The following ZNF500 variants were observed in gnomAD, a reference collection of about 807,000 sequenced individuals.
ZNF500 encodes zinc finger protein with KRAB and SCAN domains 18.
ZNF500 carries 31 observed loss-of-function variants against 30.1 expected under a neutral mutation model. That is an observed-to-expected ratio of 1.03 (90% CI 0.77 to 1.39). ZNF500 has a LOEUF of 1.39. Among genes scored for constraint, ZNF500 ranks in the 40% most tolerant of loss-of-function variants. The pLI is 0.00. For synonymous variants in ZNF500, 392 were observed against 282.0 expected, an observed-to-expected ratio of 1.39 and a Z score of -3.91; for missense variants, 817 against 657.8, an observed-to-expected ratio of 1.24 and a Z score of -2.65.
chr16:4,759,942 G>C (rs112072596), intron 5 of ZNF500, among the ~76,000 whole-genome samples: 2,393 of 152,326 alleles, frequency 0.016, 59 homozygotes, highest in African/African-American at 0.054. Context: ...GGGAGGCTGA[G>C]GTGGGAGCAT....
At chr16:4,759,937 G>A (rs2082178579) in intron 5 of ZNF500, among the ~76,000 whole-genome samples, 1 of 152,218 alleles carries the variant, frequency 6.6e-6, no homozygotes, top group Non-Finnish European at 1.5e-5. Flanking sequence ...TACTTGGGAG[G>A]CTGAGGTGGG....
chr16:4,752,392 G>T lies in ZNF500; in HGVS notation c.1427C>A (p.Pro476His). Residue 476 changes from proline to histidine, a missense_variant, in exon 6 of 6, where the codon CCC becomes CAC. Coordinates refer to ENST00000219478, the MANE Select transcript of ZNF500 (RefSeq NM_021646.4). Reference protein sequence around the residue: ...PTLQPVAPGGPGAKA With the variant: ...PTLQPVAPGGHGAKA Reference sequence around the variant, plus strand: ...GCCTGGTGATCAGGCTTTGGCACCGGGGCCTCCAGGAGCCACCGGCTGGAG... The same window carrying T: ...GCCTGGTGATCAGGCTTTGGCACCGTGGCCTCCAGGAGCCACCGGCTGGAG... The T allele has an allele frequency of 1.3e-6, 2 of 1,507,832 alleles. No homozygotes were observed. The highest frequency in any genetic ancestry group is 1.8e-6 in the Non-Finnish European group (2 of 1,131,200). 93.4% of individuals were successfully genotyped at this position (1,507,832 alleles called of 1,614,324 possible).
intron 5 of ZNF500, among the ~76,000 whole-genome samples, chr16:4,760,217 G>C (rs144529832): frequency 6.6e-6 from 1 of 152,176 alleles, no homozygotes; most frequent in South Asian, 2.1e-4. Flanking sequence ...CTGCCCTTGA[G>C]AGGAGGGCAC....
Position 4,763,831 on chromosome 16 carries a change from C to A in ZNF500, c.415-1075G>T, listed in dbSNP as rs1445477289. ...GGCAGGATTTTCTGACTGCGGTCAG[C>A]TCACGCCGTGGTCAAGCATTAGGGG... is the stretch of plus-strand genomic sequence containing the variant. On this transcript the variant is annotated intron_variant, in intron 2 of 5. Coordinates refer to ENST00000219478, the MANE Select transcript of ZNF500 (RefSeq NM_021646.4). 5 of 985,356 alleles carry A rather than the reference C, an allele frequency of 5.1e-6. No individual in the cohort carries two copies. The East Asian group carries it at 3.4e-4, about 67-fold the overall frequency. The allele number at this position is 985,356 out of a possible 1,614,324, so 61.0% of individuals were successfully genotyped here. A position where few individuals can be genotyped will look rare whatever the true frequency, so the allele number is the denominator to read the frequency against.
At chr16:4,764,203 G>A in intron 2 of ZNF500, 3 of 521,418 alleles carry the variant, frequency 5.8e-6, no homozygotes, top group Non-Finnish European at 7.4e-6. Flanking sequence ...CTTGAGAGGT[G>A]GTCAGTGTGA....
intron 2 of ZNF500, chr16:4,763,718 T>C (rs777126353): frequency 3.7e-4 from 352 of 950,700 alleles, no homozygotes; most frequent in Non-Finnish European, 4.2e-4. Context: ...AAGGAAGCCA[T>C]GCCGGGAACC....
downstream of ZNF500, chr16:4,747,451 G>A (rs1405589187): frequency 6.2e-7 from 1 of 1,613,174 alleles, no homozygotes; most frequent in South Asian, 1.1e-5. Context: ...GGAGGGCTCA[G>A]GCCCCTGAAG....
Position 4,762,772 on chromosome 16 carries a change from G to T in ZNF500, c.415-16C>A. The T allele has an allele frequency of 1.3e-6, 2 of 1,574,728 alleles. No individual in the cohort carries two copies. The highest frequency in any genetic ancestry group is 8.6e-7 in the Non-Finnish European group (1 of 1,156,934). ...GCTCTGAGCCCTGCACACAGACAGTGATCTCCCCACCAGCTCCCAGAAGGC... is the reference window on the plus strand; with the variant it reads ...GCTCTGAGCCCTGCACACAGACAGTTATCTCCCCACCAGCTCCCAGAAGGC... On this transcript the variant is annotated splice_polypyrimidine_tract_variant and intron_variant, in intron 2 of 5. Coordinates refer to ENST00000219478, the MANE Select transcript of ZNF500 (RefSeq NM_021646.4).
chr16:4,747,260 C>G (rs187996858), downstream of ZNF500: 1 of 1,460,482 alleles, frequency 6.8e-7, no homozygotes, highest in Admixed American at 2.3e-5. Context: ...CTGGGCTCAT[C>G]TGCTTTTCTC....
chr16:4,753,309 A>C, intron 5 of ZNF500: 1 of 607,898 alleles, frequency 1.6e-6, no homozygotes, highest in Non-Finnish European at 2.5e-6. Context: ...GAAAATAAAC[A>C]AAACTAGCTG....
At position 4,762,766 on chromosome 16, in the gene ZNF500, G is replaced by C. The variant is rs373436982; in HGVS notation, c.415-10C>G. On this transcript the variant is annotated splice_polypyrimidine_tract_variant and intron_variant, in intron 2 of 5. Coordinates refer to ENST00000219478, the MANE Select transcript of ZNF500 (RefSeq NM_021646.4). ...AAAGCAGCTCTGAGCCCTGCACACA[G>C]ACAGTGATCTCCCCACCAGCTCCCA... The C allele has an allele frequency of 6.3e-7, 1 of 1,582,340 alleles. No individual in the cohort carries two copies. Among genetic ancestry groups the C allele is most frequent in the East Asian group, 2.3e-5 (1 of 44,098 alleles).
In ZNF500 at chr16:4,752,843, T is replaced by G. The variant is rs2082098441; in HGVS notation, c.976A>C (p.Thr326Pro). ...RASHGADKPY[T>P]CPECGKGFSK... Reference sequence around the variant, plus strand: ...AAGCCTTTGCCACATTCGGGGCAGGTGTACGGCTTGTCAGCCCCATGGGAA... The same window carrying G: ...AAGCCTTTGCCACATTCGGGGCAGGGGTACGGCTTGTCAGCCCCATGGGAA... The change falls in exon 6 of 6, where the codon ACC becomes CCC. Residue 326 changes from threonine to proline, a missense_variant. Transcript: ENST00000219478. The G allele has an allele frequency of 1.2e-6, 2 of 1,614,068 alleles. No individual in the cohort carries two copies. Among genetic ancestry groups the G allele is most frequent in the African/African-American group, 2.7e-5 (2 of 74,954 alleles).
At chr16:4,766,600 G>A (rs575406503) in intron 1 of ZNF500, among the ~76,000 whole-genome samples, 8 of 152,260 alleles carry the variant, frequency 5.3e-5, no homozygotes, top group Non-Finnish European at 1.0e-4. Flanking sequence ...CAGCCTGGGC[G>A]ACAGAGAGAG....
At chr16:4,753,203 A>G in intron 5 of ZNF500, 145 bp from the exon 6 acceptor site, 5 of 1,393,774 alleles carry the variant, frequency 3.6e-6, no homozygotes, top group Non-Finnish European at 4.7e-6. Context: ...GCTCACGCCT[A>G]TAATCCCAGC....
chr16:4,757,531 C>G (rs550096031), intron 5 of ZNF500, among the ~76,000 whole-genome samples: 5 of 152,172 alleles, frequency 3.3e-5, no homozygotes, highest in African/African-American at 1.2e-4. Context: ...AACTCCTGGA[C>G]TCGAGCAATC....
At chr16:4,760,450 T>A in intron 5 of ZNF500, 42 bp downstream of exon 5, 1 of 1,590,020 alleles carries the variant, frequency 6.3e-7, no homozygotes, top group Non-Finnish European at 8.6e-7. Flanking sequence ...CAGTTCCTAT[T>A]TTTGGCAAGC....
downstream of ZNF500, among the ~76,000 whole-genome samples, chr16:4,744,634 C>CA (rs2081989822): frequency 6.6e-6 from 1 of 151,402 alleles, no homozygotes; most frequent in Non-Finnish European, 1.5e-5. Flanking sequence ...GTCACTCCTA[C>CA]TTCACCAAGC....
At chr16:4,765,257 C>T (rs547965232) in intron 2 of ZNF500, among the ~76,000 whole-genome samples, 17 of 152,048 alleles carry the variant, frequency 1.1e-4, no homozygotes, top group Non-Finnish European at 2.4e-4. Context: ...GCGGTGATCA[C>T]ACCACCATAG....
At chr16:4,753,190 G>T in intron 5 of ZNF500, 132 bp from the exon 6 acceptor site, 1 of 1,411,880 alleles carries the variant, frequency 7.1e-7, no homozygotes, top group Non-Finnish European at 9.2e-7. Flanking sequence ...GCTGGGCACT[G>T]TGGCTCACGC....
Sources: gnomAD v4.1 joint callset for allele counts (sites outside exome capture counted in the v4.1 genomes callset) on GRCh38, gnomAD v4.1.1 for gene constraint, MANE v1.5 for transcripts, NCBI Gene and HGNC (gene_info 2026-07-23, HGNC 2026-07-21) for gene names.